The following BST1 variants were observed in gnomAD, a reference collection of about 807,000 sequenced individuals.
BST1 encodes bone marrow stromal cell antigen 1, also known as ADP-ribosyl cyclase/cyclic ADP-ribose hydrolase 2.
BST1 carries 49 observed loss-of-function variants against 40.6 expected under a neutral mutation model. The ratio of observed to expected loss-of-function variants is 1.21; its 90% CI spans 0.96 to 1.53. BST1 has a LOEUF of 1.53. BST1 is among the 40% of genes most tolerant of loss of function. The pLI, the probability that BST1 is intolerant of heterozygous loss-of-function variation, is 0.00. For missense variants in BST1, 423 were observed against 395.9 expected (o/e 1.07, Z -0.58); for synonymous variants, 157 against 159.3 (o/e 0.99, Z 0.11).
the BST1 span, among the ~76,000 whole-genome samples, chr4:15,759,389 A>G: frequency 5.9e-5 from 9 of 151,948 alleles, 1 homozygote; most frequent in African/African-American, 1.9e-4. Context: ...TATTTACCTC[A>G]TGGGGTTATT....
downstream of BST1, among the ~76,000 whole-genome samples, chr4:15,737,225 TG>T (rs1268236594): frequency 5.9e-5 from 9 of 152,210 alleles, no homozygotes; most frequent in African/African-American, 2.2e-4. Context: ...CTACTAGAGT[TG>T]TTTGATAGCT....
the BST1 span, among the ~76,000 whole-genome samples, chr4:15,771,217 T>G: frequency 6.6e-6 from 1 of 151,870 alleles, no homozygotes; most frequent in Non-Finnish European, 1.5e-5. Flanking sequence ...ACATTACCAA[T>G]TAATCCGCAC....
Position 15,732,141 on chromosome 4 carries a change from A to C in BST1, c.*296A>C. On this transcript the variant is annotated 3_prime_UTR_variant, in exon 9 of 9. Transcript: ENST00000265016. ...CTGCTTGTATATTATCAAACATTTT[A>C]AGAGAATTCTAATAAAGCTGTATTT... 2 of 1,122,716 alleles carry C rather than the reference A, an allele frequency of 1.8e-6. No individual in the cohort carries two copies. The highest frequency in any genetic ancestry group is 2.2e-6 in the Non-Finnish European group (2 of 915,598). 69.5% of individuals were successfully genotyped at this position (1,122,716 alleles called of 1,614,324 possible).
chr4:15,732,966 C>T (rs1007365616), downstream of BST1, among the ~76,000 whole-genome samples: 1 of 152,090 alleles, frequency 6.6e-6, no homozygotes, highest in African/African-American at 2.4e-5. Context: ...TTCGTGGTCT[C>T]GCTGACTTCA....
the BST1 span, among the ~76,000 whole-genome samples, chr4:15,756,778 C>A: frequency 5.9e-5 from 9 of 152,164 alleles, no homozygotes; most frequent in Non-Finnish European, 1.3e-4. Flanking sequence ...ACTGGCTGTG[C>A]AATGGCCAGC....
At chr4:15,719,720 G>C (rs918122851) in intron 7 of BST1, among the ~76,000 whole-genome samples, 3 of 152,100 alleles carry the variant, frequency 2.0e-5, no homozygotes, top group Non-Finnish European at 2.9e-5. Context: ...GTCTTTTGTT[G>C]CCTAACACCC....
the BST1 span, among the ~76,000 whole-genome samples, chr4:15,765,506 G>A: frequency 6.6e-6 from 1 of 151,904 alleles, no homozygotes; most frequent in Non-Finnish European, 1.5e-5. Context: ...GTCGGGACAT[G>A]TCACTCTTGT....
the BST1 span, among the ~76,000 whole-genome samples, chr4:15,764,015 A>G: frequency 1.3e-5 from 2 of 152,070 alleles, no homozygotes; most frequent in Non-Finnish European, 2.9e-5. Flanking sequence ...TCTAGAATGT[A>G]CAATATCAAG....
At chr4:15,753,724 G>T in the BST1 span, among the ~76,000 whole-genome samples, 41 of 152,226 alleles carry the variant, frequency 2.7e-4, no homozygotes, top group Non-Finnish European at 5.0e-4. Context: ...AAATCGGTCA[G>T]GGCCCATCCA....
the BST1 span, among the ~76,000 whole-genome samples, chr4:15,762,572 T>C: frequency 6.6e-6 from 1 of 152,052 alleles, no homozygotes; most frequent in African/African-American, 2.4e-5. Flanking sequence ...AAGTTTGTAC[T>C]TTTTGACCAT....
chr4:15,724,501 A>C (rs1258513004), intron 8 of BST1, among the ~76,000 whole-genome samples: 1 of 152,120 alleles, frequency 6.6e-6, no homozygotes, highest in Non-Finnish European at 1.5e-5. Flanking sequence ...TGCCTGACCA[A>C]CATGGTGAAA....
chr4:15,705,374 A>G, intron 1 of BST1, 141 bp from the exon 2 acceptor site: 1 of 972,478 alleles, frequency 1.0e-6, no homozygotes, highest in Non-Finnish European at 1.5e-6. Context: ...AAGCCATGAC[A>G]ATTCGTTGTC....
chr4:15,715,706 GT>G lies in BST1; in HGVS notation c.618del (p.Phe206LeufsTer38). Reference sequence around the variant, plus strand: ...TTAGGGCTTCAAGAAATGTTTCTCAGTTTTTTTGCAGATTATGAAATTCCAA... The same window carrying G: ...TTAGGGCTTCAAGAAATGTTTCTCAGTTTTTTGCAGATTATGAAATTCCAA... ...SEPTGAYPIK[G>X]FFADYEIPNL... On this transcript the variant is annotated frameshift_variant and splice_region_variant, in exon 6 of 9. Coordinates refer to ENST00000265016, the MANE Select transcript of BST1 (RefSeq NM_004334.3). LOFTEE classifies it high-confidence loss of function. 1 of 1,581,386 alleles carries G rather than the reference GT, an allele frequency of 6.3e-7. No individual in the cohort carries two copies.
intron 6 of BST1, 86 bp from the exon 7 acceptor site, chr4:15,718,817 TGGTC>T: frequency 9.2e-7 from 1 of 1,089,552 alleles, no homozygotes; most frequent in Middle Eastern, 2.6e-4. Flanking sequence ...CAGGAGCACA[TGGTC>T]AAAAGAAATT....
At chr4:15,740,364 G>A (rs1261724031), downstream of BST1, among the ~76,000 whole-genome samples, 1 of 152,132 alleles carries the variant, frequency 6.6e-6, no homozygotes, top group Non-Finnish European at 1.5e-5. Context: ...GCCTAAATTA[G>A]TAGTTATTAT....
chr4:15,730,397 C>G (rs770349639), intron 8 of BST1, among the ~76,000 whole-genome samples: 1 of 152,198 alleles, frequency 6.6e-6, no homozygotes, highest in African/African-American at 2.4e-5. Flanking sequence ...CATGTCAGGA[C>G]AGGTTTTTCT....
chr4:15,707,400 G>T, intron 2 of BST1, 111 bp from the exon 3 acceptor site: 1 of 1,222,754 alleles, frequency 8.2e-7, no homozygotes, highest in Non-Finnish European at 1.2e-6. Context: ...TTGTGCAGCA[G>T]GTCAGAGTTG....
At chr4:15,745,715 G>A in the BST1 span, among the ~76,000 whole-genome samples, 4 of 152,196 alleles carry the variant, frequency 2.6e-5, no homozygotes, top group Middle Eastern at 3.2e-3. Flanking sequence ...GTGGTAGGAG[G>A]TGGAAGATGA....
chr4:15,766,312 A>C, the BST1 span, among the ~76,000 whole-genome samples: 53,257 of 151,770 alleles, frequency 0.35, 9,749 homozygotes, highest in South Asian at 0.41. Context: ...GGTTAAGGAA[A>C]AACAACTGGA....
Sources: gnomAD v4.1 joint callset for allele counts (sites outside exome capture counted in the v4.1 genomes callset) on GRCh38, gnomAD v4.1.1 for gene constraint, MANE v1.5 for transcripts, NCBI Gene and HGNC (gene_info 2026-07-23, HGNC 2026-07-21) for gene names.